The following TBC1D8 variants were observed in gnomAD, a reference collection of about 807,000 sequenced individuals.
TBC1D8 encodes TBC1 domain family member 8, also known as BUB2-like protein 1.
In TBC1D8, 65 loss-of-function variants were observed where a neutral mutation model predicts 118.8. The observed-to-expected ratio is 0.55, with a 90% CI of 0.45 to 0.67. TBC1D8 has a LOEUF of 0.67. TBC1D8 is among the 30% of genes least tolerant of loss of function. The probability of loss-of-function intolerance (pLI) is 0.00; values close to 1 mark genes in which losing one functional copy is unlikely to be tolerated. For synonymous variants in TBC1D8, 566 were observed against 595.8 expected (o/e 0.95, Z 0.73); for missense variants, 1,376 against 1,471.2 (o/e 0.94, Z 1.06).
chr2:101,070,121 T>C (rs1683230780), intron 2 of TBC1D8, among the ~76,000 whole-genome samples: 1 of 151,998 alleles, frequency 6.6e-6, no homozygotes, highest in African/African-American at 2.4e-5. Flanking sequence ...TTCATCACAT[T>C]GGTCAGGCTG....
intron 11 of TBC1D8, chr2:101,029,981 T>C: frequency 1.9e-6 from 1 of 514,340 alleles, no homozygotes; most frequent in South Asian, 3.3e-5. Context: ...AAATACTGCT[T>C]GATCAGCTGG....
Position 101,029,597 on chromosome 2 carries a change from C to T in TBC1D8, c.2116G>A (p.Asp706Asn), listed in dbSNP as rs1680552611. 2 of 1,613,856 alleles carry T rather than the reference C, an allele frequency of 1.2e-6. No individual in the cohort carries two copies. Among genetic ancestry groups the T allele is most frequent in the Non-Finnish European group, 1.7e-6 (2 of 1,179,898 alleles). Residue 706 changes from aspartate to asparagine, a missense_variant, in exon 12 of 20, where the codon GAT becomes AAT. Asp to Asn is a conservative substitution (Grantham distance 23). Transcript: ENST00000409318. ...AGCTGGAAGATGGCTTTGATGCCAT[C>T]ATAGAAGAAGCAGTCTACCACATTC... The part of the protein sequence containing the change: ...AVNVVDCFFY[D>N]GIKAIFQLGL...
At chr2:101,035,820 C>T (rs902556335) in intron 9 of TBC1D8, among the ~76,000 whole-genome samples, 198 bp downstream of exon 9, 1 of 152,178 alleles carries the variant, frequency 6.6e-6, no homozygotes, top group Non-Finnish European at 1.5e-5. Context: ...ACGCCACAGC[C>T]CAGAGGCCCA....
intron 4 of TBC1D8, among the ~76,000 whole-genome samples, chr2:101,052,010 T>C (rs1229920421): frequency 1.3e-5 from 2 of 152,248 alleles, no homozygotes. Context: ...GGAACACTAT[T>C]CTGAAATACC....
At chr2:101,105,034 A>C (rs1028837776) in intron 1 of TBC1D8, among the ~76,000 whole-genome samples, 10 of 151,908 alleles carry the variant, frequency 6.6e-5, no homozygotes, top group Non-Finnish European at 1.5e-4. Flanking sequence ...TCAAAAAAAA[A>C]AAAAAAAAAA....
intron 1 of TBC1D8, among the ~76,000 whole-genome samples, chr2:101,119,228 A>G (rs181787456): frequency 1.3e-5 from 2 of 152,240 alleles, no homozygotes; most frequent in Admixed American, 1.3e-4. Flanking sequence ...GCCAGTAGCT[A>G]TTCCACATAA....
At chr2:101,090,420 C>A in intron 1 of TBC1D8, 56 bp from the exon 2 acceptor site, 1 of 1,595,682 alleles carries the variant, frequency 6.3e-7, no homozygotes, top group East Asian at 2.2e-5. Context: ...GCCAGCTCCT[C>A]ATGCGTGTGA....
intron 17 of TBC1D8, among the ~76,000 whole-genome samples, chr2:101,013,078 G>A (rs935025631): frequency 6.6e-6 from 1 of 152,194 alleles, no homozygotes; most frequent in Admixed American, 6.5e-5. Context: ...AAATGTGATG[G>A]GAGCCATAGA....
At chr2:101,020,565 A>G (rs946989768) in intron 17 of TBC1D8, among the ~76,000 whole-genome samples, 2 of 152,222 alleles carry the variant, frequency 1.3e-5, no homozygotes, top group Admixed American at 6.5e-5. Flanking sequence ...CATATTGTCA[A>G]TGAGAAGGTC....
chr2:101,029,739 G>A lies in TBC1D8; in HGVS notation c.1974C>T (p.Ile658=). The change falls in exon 12 of 20, where the codon ATC becomes ATT. Residue 658 remains isoleucine (I), a synonymous_variant. Coordinates refer to ENST00000409318, the MANE Select transcript of TBC1D8 (RefSeq NM_001330348.2). ...QVDQSVFEEL[I]KGHLPELAEH... is the part of the protein sequence containing the mutation. ...CTGCCAGCTCTGGGAGATGACCCTT[G>A]ATGAGCTCCTCGAAGACAGACTGGT... is the stretch of plus-strand genomic sequence containing the variant. 6.2e-7 allele frequency: 1 copy of A among 1,614,008 alleles called. No individual in the cohort carries two copies.
chr2:101,079,354 T>C (rs911995450), intron 2 of TBC1D8, among the ~76,000 whole-genome samples: 1 of 152,212 alleles, frequency 6.6e-6, no homozygotes, highest in African/African-American at 2.4e-5. Flanking sequence ...GATTCCAGGC[T>C]TAAAAATTGG....
At chr2:101,129,849 G>A (rs191620339) in intron 1 of TBC1D8, among the ~76,000 whole-genome samples, 85 of 151,624 alleles carry the variant, frequency 5.6e-4, no homozygotes, top group Non-Finnish European at 9.6e-4. Flanking sequence ...AGCTAGCAGT[G>A]AGCCGAGATA....
intron 19 of TBC1D8, among the ~76,000 whole-genome samples, chr2:101,009,827 CT>C (rs1202991001): frequency 1.9e-4 from 23 of 121,874 alleles, no homozygotes; most frequent in East Asian, 1.8e-3. Flanking sequence ...GGAGCTTTTT[CT>C]TTTTTTTTTT....
At chr2:101,112,082 C>T (rs1190572048) in intron 1 of TBC1D8, among the ~76,000 whole-genome samples, 1 of 152,172 alleles carries the variant, frequency 6.6e-6, no homozygotes, top group Non-Finnish European at 1.5e-5. Flanking sequence ...ACCCCTGACA[C>T]AGTCCTCTAG....
intron 5 of TBC1D8, among the ~76,000 whole-genome samples, chr2:101,042,918 C>G (rs1681470049): frequency 6.6e-6 from 1 of 152,166 alleles, no homozygotes; most frequent in African/African-American, 2.4e-5. Flanking sequence ...GGAGATAAGA[C>G]CTCACCTCAA....
chr2:101,027,942 A>G, intron 14 of TBC1D8, 106 bp downstream of exon 14: 1 of 961,650 alleles, frequency 1.0e-6, no homozygotes, highest in Admixed American at 2.2e-5. Context: ...TCCAAAATAT[A>G]TATATACATT....
intron 1 of TBC1D8, among the ~76,000 whole-genome samples, chr2:101,111,269 A>G (rs553533375): frequency 6.6e-6 from 1 of 152,292 alleles, no homozygotes; most frequent in East Asian, 1.9e-4. Flanking sequence ...AAACCAAGAG[A>G]TGACTGCTAT....
At chr2:101,137,125 C>T (rs1463691810) in intron 1 of TBC1D8, among the ~76,000 whole-genome samples, 2 of 151,816 alleles carry the variant, frequency 1.3e-5, no homozygotes, top group African/African-American at 4.8e-5. Context: ...CTCCGCCTCC[C>T]AGGTTCAAGT....
At chr2:101,095,790 T>C (rs1676380448) in intron 1 of TBC1D8, among the ~76,000 whole-genome samples, 1 of 152,154 alleles carries the variant, frequency 6.6e-6, no homozygotes, top group African/African-American at 2.4e-5. Context: ...AGGGCATTTC[T>C]CATTAACTAG....
Sources: gnomAD v4.1 joint callset for allele counts (sites outside exome capture counted in the v4.1 genomes callset) on GRCh38, gnomAD v4.1.1 for gene constraint, MANE v1.5 for transcripts, NCBI Gene and HGNC (gene_info 2026-07-23, HGNC 2026-07-21) for gene names.